SDCCAG8: variants seen among roughly 807,000 people sequenced by gnomAD.
SDCCAG8 encodes the protein SHH signaling and ciliogenesis regulator SDCCAG8, also known as serologically defined colon cancer antigen 8.
A neutral mutation model predicts 101.8 loss-of-function variants in SDCCAG8; 74 were observed. The observed-to-expected ratio is 0.73, with a 90% CI of 0.60 to 0.88. The LOEUF (loss-of-function observed/expected upper bound fraction) is 0.88, where lower values mean the gene tolerates loss of function less well. Among genes scored for constraint, SDCCAG8 ranks in the 40% least tolerant of loss-of-function variants. The pLI is 0.00. For missense variants in SDCCAG8, 787 were observed against 822.6 expected, an observed-to-expected ratio of 0.96 and a Z score of 0.53; for synonymous variants, 281 against 292.9, an observed-to-expected ratio of 0.96 and a Z score of 0.41.
At chr1:243,442,807 C>A (rs982992037) in intron 16 of SDCCAG8, among the ~76,000 whole-genome samples, 1 of 152,176 alleles carries the variant, frequency 6.6e-6, no homozygotes, top group African/African-American at 2.4e-5. Flanking sequence ...ATTCTTGGAA[C>A]CACATCTTCT....
intron 9 of SDCCAG8, among the ~76,000 whole-genome samples, chr1:243,317,124 A>G (rs1457674323): frequency 6.6e-6 from 1 of 152,204 alleles, no homozygotes; most frequent in Non-Finnish European, 1.5e-5. Context: ...GTAGTACAGT[A>G]TAATACTTTG....
chr1:243,270,197 A>T lies in SDCCAG8; in HGVS notation c.160A>T (p.Thr54Ser), dbSNP rs761616528. The T allele has an allele frequency of 4.3e-5, 69 of 1,614,034 alleles. No individual in the cohort carries two copies. Among genetic ancestry groups the T allele is most frequent in the Non-Finnish European group, 5.3e-5 (63 of 1,180,036 alleles). Residue 54 changes from threonine (T) to serine (S), a missense_variant, in exon 2 of 18, where the codon ACC becomes TCC. Coordinates refer to ENST00000366541, the MANE Select transcript of SDCCAG8 (RefSeq NM_006642.5). ...AGATGCACCAAATCTTTCTTTTAGC[A>T]CCAGTGTGGGAAATGAGGACGCCAG... ...GEDAPNLSFS[T>S]SVGNEDARTA...
chr1:243,447,248 CAAAA>C (rs397830130), intron 16 of SDCCAG8, among the ~76,000 whole-genome samples: 61 of 41,374 alleles, frequency 1.5e-3, no homozygotes, highest in African/African-American at 6.4e-3. Context: ...GACTTCGTCT[CAAAA>C]AAAAAAAAAA....
Position 243,270,003 on chromosome 1 carries a change from G to A in SDCCAG8, c.68-102G>A, listed in dbSNP as rs1473159982. On this transcript the variant is annotated intron_variant, in intron 1 of 17. Transcript: ENST00000366541. Reference sequence around the variant, plus strand: ...ACTCTGCGTTTTTTCCATAAAGTACGAGAAATAATGATTTCACCTTTAAAA... The same window carrying A: ...ACTCTGCGTTTTTTCCATAAAGTACAAGAAATAATGATTTCACCTTTAAAA... 11 of 1,517,622 alleles carry A rather than the reference G, an allele frequency of 7.2e-6. No individual in the cohort carries two copies. In the East Asian group the frequency reaches 2.3e-4, roughly 32 times the overall value. The allele number at this position is 1,517,622 out of a possible 1,614,324, so 94.0% of individuals were successfully genotyped here. A position where few individuals can be genotyped will look rare whatever the true frequency, so the allele number is the denominator to read the frequency against.
chr1:243,297,400 G>A (rs1469191854), intron 6 of SDCCAG8, among the ~76,000 whole-genome samples: 1 of 152,200 alleles, frequency 6.6e-6, no homozygotes, highest in Non-Finnish European at 1.5e-5. Flanking sequence ...TCTTTCATCT[G>A]TTGGTGTGTA....
chr1:243,458,311 C>A lies in SDCCAG8; in HGVS notation c.1986-30703C>A, dbSNP rs182208386. Among the ~76,000 whole-genome samples, 15 of 152,074 alleles carry A rather than the reference C, an allele frequency of 9.9e-5. No homozygotes were observed. Among genetic ancestry groups the A allele is most frequent in the African/African-American group, 3.6e-4 (15 of 41,474 alleles). On this transcript the variant is annotated intron_variant, in intron 16 of 17. Coordinates refer to ENST00000366541, the MANE Select transcript of SDCCAG8 (RefSeq NM_006642.5). This position sits in a 1 kb window ranked among gnomAD's most constrained non-coding sequence, Gnocchi z 4.5. ...CCTAATTTCCACAGTTTGACAGCAC[C>A]GAATGTTGTGTTAAGCTTCTTGCTA...
intron 4 of SDCCAG8, among the ~76,000 whole-genome samples, chr1:243,277,978 T>C (rs1033399748): frequency 3.9e-5 from 6 of 152,320 alleles, no homozygotes; most frequent in African/African-American, 1.2e-4. Context: ...ATGAGTATTC[T>C]GGGACTTTTG....
chr1:243,351,985 G>T (rs1558338709), intron 12 of SDCCAG8, among the ~76,000 whole-genome samples: 1 of 152,186 alleles, frequency 6.6e-6, no homozygotes, highest in Non-Finnish European at 1.5e-5. Flanking sequence ...CGTTGTTAAT[G>T]ATTTAGGCAG....
intron 15 of SDCCAG8, among the ~76,000 whole-genome samples, chr1:243,421,956 G>A (rs1035394043): frequency 1.3e-5 from 2 of 152,158 alleles, no homozygotes; most frequent in Non-Finnish European, 2.9e-5. Flanking sequence ...GTAAAACGTT[G>A]CAGTGCGGTT....
At chr1:243,298,821 A>C (rs745755599) in intron 6 of SDCCAG8, among the ~76,000 whole-genome samples, 1 of 152,170 alleles carries the variant, frequency 6.6e-6, no homozygotes, top group Non-Finnish European at 1.5e-5. Flanking sequence ...TGTTTTAGTT[A>C]ATTGTGCTAA....
At chr1:243,454,520 G>A (rs898940157) in intron 16 of SDCCAG8, among the ~76,000 whole-genome samples, 9 of 152,158 alleles carry the variant, frequency 5.9e-5, no homozygotes, top group African/African-American at 1.9e-4. Flanking sequence ...CTACATCACT[G>A]TACCCGTTTG....
chr1:243,304,323 T>G (rs1046956366), intron 6 of SDCCAG8, among the ~76,000 whole-genome samples: 2 of 152,224 alleles, frequency 1.3e-5, no homozygotes, highest in Non-Finnish European at 2.9e-5. Context: ...TATAAAACTT[T>G]ACTTTTGATC....
intron 4 of SDCCAG8, among the ~76,000 whole-genome samples, chr1:243,283,692 T>C (rs2171975): frequency 0.44 from 66,484 of 151,880 alleles, 17,170 homozygotes; most frequent in East Asian, 0.75. Flanking sequence ...TTCTTGCATA[T>C]AGTCTATTTT....
chr1:243,296,589 C>T (rs1374480244), intron 6 of SDCCAG8, among the ~76,000 whole-genome samples: 23 of 133,300 alleles, frequency 1.7e-4, no homozygotes, highest in African/African-American at 5.6e-4. Flanking sequence ...GTCGCCCAGG[C>T]GGGAGTGCTG....
chr1:243,435,691 C>A (rs12049124), intron 16 of SDCCAG8, among the ~76,000 whole-genome samples: 2 of 151,822 alleles, frequency 1.3e-5, no homozygotes, highest in South Asian at 4.2e-4. Context: ...TTTTGGACCA[C>A]GACTTGGGAT....
chr1:243,311,486 G>T (rs186497483), intron 8 of SDCCAG8, among the ~76,000 whole-genome samples: 59 of 152,234 alleles, frequency 3.9e-4, no homozygotes, highest in Non-Finnish European at 7.4e-4. Flanking sequence ...AATTGAAAGG[G>T]TGTCAAATAG....
At chr1:243,481,005 A>G (rs573549667) in intron 16 of SDCCAG8, among the ~76,000 whole-genome samples, 1 of 151,922 alleles carries the variant, frequency 6.6e-6, no homozygotes, top group Non-Finnish European at 1.5e-5. Flanking sequence ...ACCCACTGAG[A>G]GGGTCACAGA....
At chr1:243,442,441 A>G (rs1024119167) in intron 16 of SDCCAG8, among the ~76,000 whole-genome samples, 1 of 152,120 alleles carries the variant, frequency 6.6e-6, no homozygotes, top group African/African-American at 2.4e-5. Context: ...TGTGGCTGTG[A>G]TGCGTCTACA....
intron 17 of SDCCAG8, among the ~76,000 whole-genome samples, 190 bp from the exon 18 acceptor site, chr1:243,499,566 C>T (rs901257404): frequency 6.6e-6 from 1 of 152,174 alleles, no homozygotes; most frequent in Non-Finnish European, 1.5e-5. Flanking sequence ...AACCTTATTT[C>T]ATATGTGAAG....
Sources: gnomAD v4.1 joint callset for allele counts (sites outside exome capture counted in the v4.1 genomes callset) on GRCh38, gnomAD v4.1.1 for gene constraint, Gnocchi (gnomAD v3.1) non-coding constraint, MANE v1.5 for transcripts, NCBI Gene and HGNC (gene_info 2026-07-23, HGNC 2026-07-21) for gene names.